The following PLCH1 variants were observed in gnomAD, a reference collection of about 807,000 sequenced individuals.
The protein encoded by PLCH1 is phospholipase C eta 1, also known as 1-phosphatidylinositol 4,5-bisphosphate phosphodiesterase eta-1.
In PLCH1, 60 loss-of-function variants were observed where a neutral mutation model predicts 126.7. The ratio of observed to expected loss-of-function variants is 0.47; its 90% CI spans 0.38 to 0.59. The LOEUF is 0.59. PLCH1 is among the 20% of genes least tolerant of loss of function. The pLI, the probability that PLCH1 is intolerant of heterozygous loss-of-function variation, is 0.00. For synonymous variants in PLCH1, 719 were observed against 734.9 expected, an observed-to-expected ratio of 0.98 and a Z score of 0.35; for missense variants, 1,723 against 2,040.0, an observed-to-expected ratio of 0.84 and a Z score of 2.99.
At chr3:155,588,717 G>C (rs17347364) in intron 4 of PLCH1, among the ~76,000 whole-genome samples, 7,133 of 152,148 alleles carry the variant, frequency 0.047, 236 homozygotes, top group Middle Eastern at 0.1. Flanking sequence ...ATTGGTTTAG[G>C]GAACTGGTAA....
chr3:155,614,058 A>G (rs2108744590), intron 2 of PLCH1, among the ~76,000 whole-genome samples: 1 of 152,318 alleles, frequency 6.6e-6, no homozygotes, highest in East Asian at 1.9e-4. Flanking sequence ...ATAGCTGAAA[A>G]TAAATAGAAT....
At chr3:155,532,472 T>C (rs1164502512) in intron 10 of PLCH1, among the ~76,000 whole-genome samples, 1 of 152,060 alleles carries the variant, frequency 6.6e-6, no homozygotes, top group Admixed American at 6.5e-5. Flanking sequence ...CCAAATCTCA[T>C]CTTGAACTGT....
chr3:155,718,684 T>C lies in PLCH1; in HGVS notation c.-40-14420A>G, dbSNP rs571378547. The stretch of plus-strand genomic sequence containing the variant: ...GGTGCCACAATTTACAACAACCAGA[T>C]CTTTCGAGATGTCACTTACTATTGC... On this transcript the variant is annotated intron_variant, in intron 1 of 22. Coordinates refer to ENST00000460012, the MANE Select transcript of PLCH1 (RefSeq NM_014996.4). 2.0e-4 allele frequency among the ~76,000 whole-genome samples: 31 copies of C among 152,178 alleles called. 1 individual carries two copies. In the South Asian group the frequency reaches 6.4e-3, roughly 32 times the overall value.
intron 3 of PLCH1, among the ~76,000 whole-genome samples, 188 bp downstream of exon 3, chr3:155,596,044 A>T (rs544768465): frequency 6.6e-6 from 1 of 152,136 alleles, no homozygotes; most frequent in East Asian, 1.9e-4. Flanking sequence ...ATTCATGGAC[A>T]AGAAAACTTT....
At position 155,628,349 on chromosome 3, in the gene PLCH1, T is replaced by C. The variant is rs1469788746; in HGVS notation, c.80-31971A>G. The stretch of plus-strand genomic sequence containing the variant: ...TTTCATTCCAAAAGTGCCTTCCCTA[T>C]GCCCAGGAAAAAAAAAAAAAAAAAA... On this transcript the variant is annotated intron_variant, in intron 2 of 22. Transcript: ENST00000460012. Among the ~76,000 whole-genome samples the C allele has an allele frequency of 4.0e-5, 4 of 100,690 alleles. No individual in the cohort carries two copies. In the South Asian group the frequency reaches 1.5e-3, roughly 38 times the overall value. The allele number at this position is 100,690 out of a possible 152,430, so 66.1% of individuals were successfully genotyped here. A position where few individuals can be genotyped will look rare whatever the true frequency, so the allele number is the denominator to read the frequency against.
chr3:155,483,139 G>T, intron 22 of PLCH1, 88 bp from the exon 23 acceptor site: 1 of 1,224,116 alleles, frequency 8.2e-7, no homozygotes. Context: ...CAGACAAATG[G>T]AGAATGTAAA....
At chr3:155,477,462 C>A (rs1713591671), downstream of PLCH1, among the ~76,000 whole-genome samples, 1 of 151,958 alleles carries the variant, frequency 6.6e-6, no homozygotes, top group Non-Finnish European at 1.5e-5. Context: ...AGAGACAACA[C>A]ACAGAATGGG....
At chr3:155,667,897 T>A (rs554552706) in intron 2 of PLCH1, among the ~76,000 whole-genome samples, 2 of 100,872 alleles carry the variant, frequency 2.0e-5, no homozygotes, top group Admixed American at 1.1e-4. Context: ...AAACCCCATC[T>A]CTACTTAAAA....
chr3:155,626,317 A>G (rs1409659898), intron 2 of PLCH1, among the ~76,000 whole-genome samples: 1 of 152,190 alleles, frequency 6.6e-6, no homozygotes, highest in Non-Finnish European at 1.5e-5. Context: ...TGGTAGGTCA[A>G]TGAAATAAGA....
intron 10 of PLCH1, among the ~76,000 whole-genome samples, chr3:155,546,667 C>T (rs1400276225): frequency 6.6e-6 from 1 of 151,852 alleles, no homozygotes; most frequent in Admixed American, 6.6e-5. Flanking sequence ...ACCAAAACAG[C>T]ATGGTACTGG....
chr3:155,546,576 G>A (rs1232254906), intron 10 of PLCH1, among the ~76,000 whole-genome samples: 1 of 152,140 alleles, frequency 6.6e-6, no homozygotes, highest in Non-Finnish European at 1.5e-5. Context: ...AGCCTGCAAC[G>A]CCAAGTCAAT....
chr3:155,526,926 G>A (rs913495641), intron 10 of PLCH1, among the ~76,000 whole-genome samples: 26 of 152,216 alleles, frequency 1.7e-4, no homozygotes, highest in Non-Finnish European at 3.5e-4. Flanking sequence ...TAAGCACAGA[G>A]ATAGTGGCTT....
At chr3:155,723,074 A>T (rs1748067689) in intron 1 of PLCH1, among the ~76,000 whole-genome samples, 1 of 152,170 alleles carries the variant, frequency 6.6e-6, no homozygotes, top group Non-Finnish European at 1.5e-5. Context: ...CCAGGAATTT[A>T]TCCATCTTCT....
At chr3:155,707,995 TA>T (rs1382177087) in intron 1 of PLCH1, among the ~76,000 whole-genome samples, 1 of 152,208 alleles carries the variant, frequency 6.6e-6, no homozygotes, top group Non-Finnish European at 1.5e-5. Context: ...CCAGTTTACC[TA>T]AAATTCTTTC....
At chr3:155,528,540 A>C (rs1436009502) in intron 10 of PLCH1, among the ~76,000 whole-genome samples, 7 of 152,246 alleles carry the variant, frequency 4.6e-5, no homozygotes, top group Admixed American at 4.6e-4. Flanking sequence ...CAGCAAGATG[A>C]AACTGTACAC....
At chr3:155,544,228 G>T (rs1005440227) in intron 10 of PLCH1, among the ~76,000 whole-genome samples, 2 of 152,130 alleles carry the variant, frequency 1.3e-5, no homozygotes, top group Non-Finnish European at 2.9e-5. Context: ...AAAGGCAGAG[G>T]TTGCAATCCT....
At chr3:155,600,061 C>CATTTGG (rs780477919) in intron 2 of PLCH1, among the ~76,000 whole-genome samples, 1 of 152,094 alleles carries the variant, frequency 6.6e-6, no homozygotes, top group Non-Finnish European at 1.5e-5. Flanking sequence ...ACAGAAAAGC[C>CATTTGG]ATTTGGATAG....
At chr3:155,473,138 T>G (rs1252283153) in intron 21 of PLCH1, among the ~76,000 whole-genome samples, 28 of 148,820 alleles carry the variant, frequency 1.9e-4, no homozygotes, top group African/African-American at 5.0e-4. Context: ...GAAGTCAAAT[T>G]GTCCCTGTTT....
At chr3:155,695,077 T>A (rs1277665323) in intron 2 of PLCH1, among the ~76,000 whole-genome samples, 1 of 151,918 alleles carries the variant, frequency 6.6e-6, no homozygotes, top group East Asian at 1.9e-4. Flanking sequence ...TTTAATAGTA[T>A]GCAAACAACT....
Sources: gnomAD v4.1 joint callset for allele counts (sites outside exome capture counted in the v4.1 genomes callset) on GRCh38, gnomAD v4.1.1 for gene constraint, MANE v1.5 for transcripts, NCBI Gene and HGNC (gene_info 2026-07-23, HGNC 2026-07-21) for gene names.